SHTN1: variants seen among roughly 807,000 people sequenced by gnomAD.
The protein encoded by SHTN1 is shootin 1, also known as shootin-1.
In SHTN1, 42 loss-of-function variants were observed where a neutral mutation model predicts 83.1. That is an observed-to-expected ratio of 0.51 (90% CI 0.39 to 0.65). The LOEUF is 0.65. SHTN1 is among the 30% of genes least tolerant of loss of function. SHTN1 has a pLI of 0.00. For synonymous variants in SHTN1, 224 were observed against 247.7 expected (o/e 0.90, Z 0.90); for missense variants, 622 against 737.8 (o/e 0.84, Z 1.82).
At chr10:116,910,394 T>G (rs1848143585) in intron 14 of SHTN1, among the ~76,000 whole-genome samples, 1 of 152,212 alleles carries the variant, frequency 6.6e-6, no homozygotes, top group African/African-American at 2.4e-5. Context: ...GTCTTAAAAT[T>G]TTTTATAACT....
intron 9 of SHTN1, among the ~76,000 whole-genome samples, chr10:116,936,676 T>G (rs1849176465): frequency 6.6e-6 from 1 of 152,188 alleles, no homozygotes; most frequent in East Asian, 1.9e-4. Flanking sequence ...TAGATGTCTA[T>G]TAGGTCTGCT....
At chr10:117,018,124 A>G (rs1452508026) in intron 2 of SHTN1, among the ~76,000 whole-genome samples, 1 of 152,212 alleles carries the variant, frequency 6.6e-6, no homozygotes, top group East Asian at 1.9e-4. Context: ...AAAGGGCATT[A>G]GTGAAAAAAT....
At chr10:117,017,626 GTTATT>G (rs1469509703) in intron 2 of SHTN1, among the ~76,000 whole-genome samples, 1 of 152,126 alleles carries the variant, frequency 6.6e-6, no homozygotes, top group Non-Finnish European at 1.5e-5. Flanking sequence ...GGAAAAAAGT[GTTATT>G]TTAGATTTCC....
chr10:116,975,161 T>C (rs1338926545), intron 2 of SHTN1, among the ~76,000 whole-genome samples: 1 of 152,160 alleles, frequency 6.6e-6, no homozygotes, highest in East Asian at 1.9e-4. Context: ...TTAAAAAAAC[T>C]CGCTGTTTTT....
At chr10:117,050,709 GGA>G (rs1248125129) in intron 1 of SHTN1, among the ~76,000 whole-genome samples, 17 of 151,212 alleles carry the variant, frequency 1.1e-4, no homozygotes, top group Non-Finnish European at 5.9e-5. Context: ...AAAAAAAAAA[GGA>G]GAGAGATTCA....
rs114399667 is a variant in SHTN1, at chr10:117,063,255, G to T, written c.-188-14745C>A. Among the ~76,000 whole-genome samples, 356 of 152,252 alleles carry T rather than the reference G, an allele frequency of 2.3e-3. 2 individuals carry two copies. Among genetic ancestry groups the T allele is most frequent in the African/African-American group, 8.0e-3 (334 of 41,550 alleles). Reference sequence around the variant, plus strand: ...ACTAACAGGAAGCATTGGCAGGAGGGTAAAAGGCAGGAAGAGGAGGAAAGC... The same window carrying T: ...ACTAACAGGAAGCATTGGCAGGAGGTTAAAAGGCAGGAAGAGGAGGAAAGC... On this transcript the variant is annotated intron_variant, in intron 1 of 17. Coordinates refer to the SHTN1 transcript ENST00000392901.
At chr10:117,123,710 G>A (rs1853963820) in intron 1 of SHTN1, among the ~76,000 whole-genome samples, 1 of 151,018 alleles carries the variant, frequency 6.6e-6, no homozygotes, top group African/African-American at 2.4e-5. Flanking sequence ...TTCGAGACCA[G>A]CTTGGTCAAC....
chr10:116,965,183 T>A (rs1243192292), intron 3 of SHTN1, among the ~76,000 whole-genome samples: 2 of 152,118 alleles, frequency 1.3e-5, no homozygotes, highest in Non-Finnish European at 2.9e-5. Flanking sequence ...AGTAGAGCCC[T>A]ATGGCCAAAC....
chr10:117,080,744 G>T (rs1179469431), intron 1 of SHTN1, among the ~76,000 whole-genome samples: 1 of 63,412 alleles, frequency 1.6e-5, no homozygotes, highest in Non-Finnish European at 3.2e-5. Context: ...TCCTTGAAGA[G>T]GTCCTTCACA....
At chr10:117,012,578 A>G (rs569231934) in intron 2 of SHTN1, among the ~76,000 whole-genome samples, 104 of 152,300 alleles carry the variant, frequency 6.8e-4, no homozygotes, top group African/African-American at 2.2e-3. Context: ...GCCGCAACAC[A>G]TGCCTCATAG....
intron 1 of SHTN1, among the ~76,000 whole-genome samples, chr10:117,123,652 C>T (rs1853962196): frequency 6.6e-6 from 1 of 151,688 alleles, no homozygotes; most frequent in Non-Finnish European, 1.5e-5. Flanking sequence ...CGCCTGTAAT[C>T]CCAACACCTT....
chr10:117,102,827 C>G (rs1589933345), intron 1 of SHTN1, among the ~76,000 whole-genome samples: 1 of 152,292 alleles, frequency 6.6e-6, no homozygotes, highest in South Asian at 2.1e-4. Flanking sequence ...GACTTACCTA[C>G]ATAAATCCCT....
At chr10:117,028,873 G>C (rs1042671374) in intron 2 of SHTN1, among the ~76,000 whole-genome samples, 1 of 152,206 alleles carries the variant, frequency 6.6e-6, no homozygotes, top group Non-Finnish European at 1.5e-5. Context: ...ATGAAGAGGG[G>C]AAATGAGGGA....
intron 12 of SHTN1, 88 bp from the exon 13 acceptor site, chr10:116,915,572 G>A: frequency 1.4e-6 from 1 of 711,664 alleles, no homozygotes; most frequent in Non-Finnish European, 2.4e-6. Flanking sequence ...ATTACACTAT[G>A]CAATTAATCA....
intron 1 of SHTN1, among the ~76,000 whole-genome samples, chr10:116,986,525 C>CA (rs982579065): frequency 1.4e-4 from 22 of 151,856 alleles, no homozygotes; most frequent in African/African-American, 5.1e-4. Context: ...GTTTCACCTC[C>CA]AGGATCACTA....
intron 3 of SHTN1, among the ~76,000 whole-genome samples, chr10:116,966,142 G>T (rs1850385665): frequency 6.6e-6 from 1 of 152,120 alleles, no homozygotes; most frequent in South Asian, 2.1e-4. Flanking sequence ...AAAATAGCTA[G>T]GACTACAGGT....
intron 5 of SHTN1, among the ~76,000 whole-genome samples, chr10:116,952,209 T>A (rs1476480785): frequency 3.3e-5 from 5 of 152,174 alleles, no homozygotes; most frequent in African/African-American, 7.2e-5. Context: ...ATTAACAATT[T>A]TATATCAGGC....
At chr10:117,086,341 G>A (rs1241038179) in intron 1 of SHTN1, among the ~76,000 whole-genome samples, 1 of 152,048 alleles carries the variant, frequency 6.6e-6, no homozygotes, top group African/African-American at 2.4e-5. Flanking sequence ...TTATAAAGTG[G>A]GTTTCTTGTA....
chr10:117,037,477 G>A (rs2133577536), intron 2 of SHTN1, among the ~76,000 whole-genome samples: 1 of 152,264 alleles, frequency 6.6e-6, no homozygotes, highest in East Asian at 1.9e-4. Context: ...TTGTCAAAAT[G>A]TCAGATCTTC....
Sources: gnomAD v4.1 joint callset for allele counts (sites outside exome capture counted in the v4.1 genomes callset) on GRCh38, gnomAD v4.1.1 for gene constraint, MANE v1.5 for transcripts, NCBI Gene and HGNC (gene_info 2026-07-23, HGNC 2026-07-21) for gene names.